The following PTPRD variants were observed in gnomAD, a reference collection of about 807,000 sequenced individuals.
PTPRD encodes protein tyrosine phosphatase receptor type D.
PTPRD carries 34 observed loss-of-function variants against 214.5 expected under a neutral mutation model. The ratio of observed to expected loss-of-function variants is 0.16; its 90% confidence interval spans 0.12 to 0.21. PTPRD has a LOEUF of 0.21. Ranked by LOEUF, PTPRD falls within the 10% of genes least tolerant of loss-of-function variation. PTPRD has a pLI of 1.00. For missense variants in PTPRD, 2,545 were observed against 2,398.7 expected (o/e 1.06, Z -1.27); for synonymous variants, 1,128 against 845.7 (o/e 1.33, Z -5.79).
chr9:10,019,201 G>C (rs529987258), intron 4 of PTPRD, among the ~76,000 whole-genome samples: 8 of 152,248 alleles, frequency 5.3e-5, no homozygotes, highest in Non-Finnish European at 7.4e-5. Context: ...GGCCATCAGA[G>C]AAATGCAAAT....
At chr9:8,615,540 T>C (rs147386582) in intron 14 of PTPRD, among the ~76,000 whole-genome samples, 2 of 152,060 alleles carry the variant, frequency 1.3e-5, no homozygotes, top group Non-Finnish European at 2.9e-5. Flanking sequence ...ATTATATGTT[T>C]TTAGAAGCAT....
intron 2 of PTPRD, among the ~76,000 whole-genome samples, chr9:10,591,109 T>C (rs2075331953): frequency 1.3e-5 from 2 of 151,824 alleles, no homozygotes; most frequent in South Asian, 4.2e-4. Context: ...CCCAGCCTCT[T>C]AGGATGCTCA....
chr9:9,928,350 T>C (rs2085089978), intron 5 of PTPRD, among the ~76,000 whole-genome samples: 1 of 152,176 alleles, frequency 6.6e-6, no homozygotes, highest in Non-Finnish European at 1.5e-5. Flanking sequence ...ATGCTTTATG[T>C]TGCCAAGCTC....
intron 7 of PTPRD, among the ~76,000 whole-genome samples, chr9:9,707,699 A>G (rs1007448941): frequency 2.0e-5 from 3 of 152,184 alleles, no homozygotes; most frequent in African/African-American, 7.2e-5. Context: ...TCTAAAATGT[A>G]TAAAATACTT....
At chr9:8,605,457 G>A (rs186078711) in intron 14 of PTPRD, among the ~76,000 whole-genome samples, 2 of 152,258 alleles carry the variant, frequency 1.3e-5, no homozygotes, top group East Asian at 3.9e-4. Flanking sequence ...TTGGGTCAAA[G>A]AAGGCGGATT....
chr9:9,524,977 C>T (rs34926716), intron 8 of PTPRD, among the ~76,000 whole-genome samples: 2,984 of 152,260 alleles, frequency 0.02, 47 homozygotes, highest in South Asian at 0.067. Flanking sequence ...CCTGCCTCAG[C>T]CTCCCGAGTA....
chr9:8,892,589 A>G (rs1006632880), intron 11 of PTPRD, among the ~76,000 whole-genome samples: 2 of 149,694 alleles, frequency 1.3e-5, no homozygotes, highest in African/African-American at 2.5e-5. Flanking sequence ...GTGTGTATAT[A>G]TATGTGTATA....
chr9:10,028,260 A>G (rs2096969851), intron 4 of PTPRD, among the ~76,000 whole-genome samples: 7 of 152,182 alleles, frequency 4.6e-5, no homozygotes, highest in Admixed American at 4.6e-4. Context: ...GTGGAACTGT[A>G]AGTCTATTAA....
intron 14 of PTPRD, among the ~76,000 whole-genome samples, chr9:8,609,253 T>C (rs1170132951): frequency 1.3e-5 from 2 of 152,208 alleles, no homozygotes; most frequent in African/African-American, 2.4e-5. Context: ...ATCCCAGGAC[T>C]TGAGTGTGTT....
chr9:8,579,740 T>C (rs928553879), intron 14 of PTPRD, among the ~76,000 whole-genome samples: 1 of 152,194 alleles, frequency 6.6e-6, no homozygotes, highest in Non-Finnish European at 1.5e-5. Context: ...GGGAAAGATT[T>C]ATCAGGTGTT....
rs150709902 is a variant in PTPRD, at chr9:9,419,128, T to TACATACACACAC, written c.-236-21647_-236-21646insGTGTGTGTATGT. 1.6e-4 allele frequency among the ~76,000 whole-genome samples: 22 copies of TACATACACACAC among 139,900 alleles called. 1 individual carries two copies. Among genetic ancestry groups the TACATACACACAC allele is most frequent in the African/African-American group, 4.8e-4 (18 of 37,772 alleles). 91.8% of individuals were successfully genotyped at this position (139,900 alleles called of 152,430 possible). ...ATGAATTCTAAAGATAGGCCCCTTA[T>TACATACACACAC]ACACACACACACACACACACACACA... On this transcript the variant is annotated intron_variant, in intron 8 of 45. Transcript: ENST00000381196.
chr9:8,460,165 A>T (rs892497841), intron 33 of PTPRD: 1 of 519,514 alleles, frequency 1.9e-6, no homozygotes, highest in African/African-American at 1.9e-5. Flanking sequence ...AGCAGCTCAG[A>T]AGATTGGAGG....
At chr9:9,247,849 A>T (rs2099973768) in intron 9 of PTPRD, among the ~76,000 whole-genome samples, 1 of 152,114 alleles carries the variant, frequency 6.6e-6, no homozygotes, top group Non-Finnish European at 1.5e-5. Context: ...TCTGATGCAC[A>T]TTGAAGTTTG....
rs148369488 is a variant in PTPRD at position 10,284,270 on chromosome 9, T to C, written c.-545+56693A>G. Among the ~76,000 whole-genome samples, 961 of 152,198 alleles carry C rather than the reference T, an allele frequency of 6.3e-3. 8 individuals carry two copies. The highest frequency in any genetic ancestry group is 0.027 in the Middle Eastern group (8 of 294). On this transcript the variant is annotated intron_variant, in intron 3 of 45. Transcript: ENST00000381196. The stretch of plus-strand genomic sequence containing the variant: ...AAAAAATAAAAATCTCTGATGCAAA[T>C]GGTTCTTAGCCTTAAATATTCAGGA...
intron 30 of PTPRD, among the ~76,000 whole-genome samples, chr9:8,473,371 C>T (rs186242257): frequency 1.3e-5 from 2 of 152,070 alleles, no homozygotes; most frequent in Non-Finnish European, 2.9e-5. Context: ...CCTCTCCTGT[C>T]CTCCCACCAT....
intron 39 of PTPRD, among the ~76,000 whole-genome samples, chr9:8,363,013 A>G (rs947177375): frequency 2.6e-5 from 4 of 152,178 alleles, no homozygotes; most frequent in African/African-American, 4.8e-5. Context: ...TGCCTACTAT[A>G]TATGCAATTG....
At chr9:9,562,469 C>T (rs560040107) in intron 8 of PTPRD, among the ~76,000 whole-genome samples, 2 of 152,228 alleles carry the variant, frequency 1.3e-5, no homozygotes, top group South Asian at 2.1e-4. Context: ...GCTTAAAATC[C>T]TTCAATGGCT....
At chr9:8,963,410 G>GC (rs2099168934) in intron 11 of PTPRD, among the ~76,000 whole-genome samples, 1 of 151,998 alleles carries the variant, frequency 6.6e-6, no homozygotes, top group Non-Finnish European at 1.5e-5. Context: ...ATTTATACAT[G>GC]TTTTATGCAT....
chr9:10,302,688 G>A (rs1284880461), intron 3 of PTPRD, among the ~76,000 whole-genome samples: 2 of 152,168 alleles, frequency 1.3e-5, no homozygotes, highest in African/African-American at 4.8e-5. Context: ...TAATGGTAAA[G>A]GGATCAATGC....
Sources: allele counts gnomAD v4.1 joint callset (sites outside exome capture counted in the v4.1 genomes callset), GRCh38; gene constraint gnomAD v4.1.1; transcripts MANE v1.5; gene names NCBI Gene and HGNC (gene_info 2026-07-23, HGNC 2026-07-21).